Variants in SLC8A1 observed in about 807,000 individuals in gnomAD.
The protein encoded by SLC8A1 is sodium/calcium exchanger 1.
In SLC8A1, 18 loss-of-function variants were observed where a neutral mutation model predicts 68.3. The observed-to-expected ratio is 0.26, with a 90% CI of 0.18 to 0.39. SLC8A1 has a LOEUF of 0.39. SLC8A1 is among the 10% of genes least tolerant of loss of function. The pLI is 1.00. For missense variants in SLC8A1, 985 were observed against 1,156.7 expected (o/e 0.85, Z 2.15); for synonymous variants, 475 against 415.5 (o/e 1.14, Z -1.74).
intron 2 of SLC8A1, among the ~76,000 whole-genome samples, chr2:40,389,808 TATATATATGATATATG>T (rs1177561015): frequency 6.7e-6 from 1 of 150,164 alleles, no homozygotes; most frequent in East Asian, 2.0e-4. Flanking sequence ...TTTGGGGAAA[TATATATATGATATATG>T]ATATATATGA....
chr2:40,395,955 G>C (rs1044769609), intron 2 of SLC8A1, among the ~76,000 whole-genome samples: 9 of 152,026 alleles, frequency 5.9e-5, no homozygotes, highest in Non-Finnish European at 2.9e-5. Flanking sequence ...TGTTCATACT[G>C]TTCTGTAAAA....
At chr2:40,133,704 C>A (rs913592587) in intron 7 of SLC8A1, among the ~76,000 whole-genome samples, 7 of 57,150 alleles carry the variant, frequency 1.2e-4, no homozygotes, top group Non-Finnish European at 1.9e-4. Flanking sequence ...GCAAAAATCC[C>A]CCCCCCCCAC....
rs536225593 is a variant in SLC8A1, at chr2:40,140,211, C to G, written c.2162-535G>C. ...CCAGCGTCATCTCCTGCAACTATTTCAAACTCAAGCCTTGGAATTACTTGC... is the reference window on the plus strand; with the variant it reads ...CCAGCGTCATCTCCTGCAACTATTTGAAACTCAAGCCTTGGAATTACTTGC... On this transcript the variant is annotated intron_variant, in intron 6 of 7. Transcript: ENST00000406785. 7.9e-5 allele frequency among the ~76,000 whole-genome samples: 12 copies of G among 152,344 alleles called. 1 individual carries two copies. In the South Asian group the frequency reaches 2.5e-3, roughly 32 times the overall value.
chr2:40,462,001 C>CGTTTTTTTTTTTTTTTTTTTTTTTTTTT (rs1703367272), intron 1 of SLC8A1, among the ~76,000 whole-genome samples: 1 of 66,176 alleles, frequency 1.5e-5, no homozygotes, highest in Non-Finnish European at 2.9e-5. Context: ...TAAAATCCTC[C>CGTTTTTTTTTTTTTTTTTTTTTTTTTTT]TTTTTTTTTT....
chr2:40,270,389 G>A (rs983343235), intron 2 of SLC8A1, among the ~76,000 whole-genome samples: 18 of 152,220 alleles, frequency 1.2e-4, no homozygotes, highest in African/African-American at 3.4e-4. Flanking sequence ...GTCTGACACA[G>A]GTCTTACTAG....
At chr2:40,429,207 T>A in exon 2 of SLC8A1, 1 of 1,613,864 alleles carries the variant, frequency 6.2e-7, no homozygotes, top group Non-Finnish European at 8.5e-7. Flanking sequence ...CTCTACTTTT[T>A]TGCTGCTGAC....
intron 2 of SLC8A1, among the ~76,000 whole-genome samples, chr2:40,268,122 A>G (rs1408920205): frequency 6.6e-6 from 1 of 152,212 alleles, no homozygotes; most frequent in Non-Finnish European, 1.5e-5. Flanking sequence ...TAGGAGATAT[A>G]AAGTGACTTT....
At chr2:40,452,667 T>G (rs76382918), upstream of SLC8A1, among the ~76,000 whole-genome samples, 119 of 140,922 alleles carry the variant, frequency 8.4e-4, 2 homozygotes, top group East Asian at 0.02. Context: ...ATATCAATGA[T>G]TTTTTTTTTA....
chr2:40,429,116 T>G, exon 2 of SLC8A1: 1 of 1,613,100 alleles, frequency 6.2e-7, no homozygotes. Flanking sequence ...CTGACAGCCT[T>G]CCTTGCTTGG....
At chr2:40,231,866 C>T (rs909700260) in intron 2 of SLC8A1, among the ~76,000 whole-genome samples, 11 of 152,108 alleles carry the variant, frequency 7.2e-5, no homozygotes, top group Non-Finnish European at 1.5e-4. Context: ...TCAATCTAGC[C>T]TAGGTTAGGG....
intron 2 of SLC8A1, among the ~76,000 whole-genome samples, chr2:40,303,756 A>G (rs1052961200): frequency 6.6e-6 from 1 of 152,254 alleles, no homozygotes; most frequent in East Asian, 1.9e-4. Context: ...CCTCCTTTCA[A>G]TACGAGGGGG....
chr2:40,509,952 C>T (rs1290596817), intron 1 of SLC8A1, among the ~76,000 whole-genome samples: 1 of 151,936 alleles, frequency 6.6e-6, no homozygotes, highest in East Asian at 1.9e-4. Context: ...CTCAGCCTCC[C>T]GAGTAGCTGG....
At chr2:40,379,830 T>A (rs2149544399) in intron 2 of SLC8A1, among the ~76,000 whole-genome samples, 1 of 152,158 alleles carries the variant, frequency 6.6e-6, no homozygotes, top group East Asian at 1.9e-4. Flanking sequence ...TCTTTCTAAA[T>A]ATCTATTAAA....
chr2:40,174,785 C>T (rs755784123), intron 4 of SLC8A1, 40 bp downstream of exon 5: 3 of 1,600,674 alleles, frequency 1.9e-6, no homozygotes, highest in East Asian at 4.5e-5. Flanking sequence ...TGAGAACAGA[C>T]AGTAAAAGTT....
chr2:40,483,387 A>G (rs1704765156), intron 1 of SLC8A1, among the ~76,000 whole-genome samples: 1 of 152,080 alleles, frequency 6.6e-6, no homozygotes, highest in Admixed American at 6.5e-5. Flanking sequence ...CAAGGGTGTG[A>G]GTAGAGGGAG....
upstream of SLC8A1, among the ~76,000 whole-genome samples, chr2:40,454,450 C>T (rs2111588): frequency 0.26 from 38,260 of 149,920 alleles, 5,107 homozygotes; most frequent in East Asian, 0.33. Context: ...AATGTTTATA[C>T]TCCAGTGATG....
rs116527944 is a variant in SLC8A1, at chr2:40,439,474, C to T, written c.-24-9170G>A. On this transcript the variant is annotated intron_variant, in intron 1 of 7. Transcript: ENST00000406785. Reference sequence around the variant, plus strand: ...CTTCATTTCAACTCAAGAACGAATCCCTGTGGTCACTCTTTCTTCTTTCTA... The same window carrying T: ...CTTCATTTCAACTCAAGAACGAATCTCTGTGGTCACTCTTTCTTCTTTCTA... Among the ~76,000 whole-genome samples the T allele has an allele frequency of 4.6e-3, 693 of 152,186 alleles. 4 individuals carry two copies. The highest frequency in any genetic ancestry group is 0.011 in the South Asian group (52 of 4,822).
At chr2:40,199,736 T>C (rs1332757803) in intron 2 of SLC8A1, among the ~76,000 whole-genome samples, 1 of 151,714 alleles carries the variant, frequency 6.6e-6, no homozygotes, top group Non-Finnish European at 1.5e-5. Context: ...AGTTTGCAGT[T>C]TGACATGTTG....
chr2:40,120,596 T>G (rs1307791421), intron 7 of SLC8A1: 3 of 152,218 alleles, frequency 2.0e-5, no homozygotes, highest in African/African-American at 7.2e-5. Context: ...TTTTGCTGGT[T>G]TTTTTGATAG....
Sources: allele counts gnomAD v4.1 joint callset (sites outside exome capture counted in the v4.1 genomes callset), GRCh38; gene constraint gnomAD v4.1.1; transcripts MANE v1.5; gene names NCBI Gene and HGNC (gene_info 2026-07-23, HGNC 2026-07-21).